Variants in TTC28 observed in about 807,000 individuals in gnomAD.
TTC28 encodes the protein tetratricopeptide repeat domain 28.
In TTC28, 61 loss-of-function variants were observed where a neutral mutation model predicts 198.0. The observed-to-expected ratio is 0.31, with a 90% confidence interval of 0.25 to 0.38. The LOEUF is 0.38. Ranked by LOEUF, TTC28 falls within the 10% of genes least tolerant of loss-of-function variation. TTC28 has a pLI of 1.00. For missense variants in TTC28, 2,678 were observed against 3,164.0 expected, an observed-to-expected ratio of 0.85 and a Z score of 3.69; for synonymous variants, 1,171 against 1,297.8, an observed-to-expected ratio of 0.90 and a Z score of 2.10.
intron 5 of TTC28, among the ~76,000 whole-genome samples, chr22:28,164,904 C>A (rs1010478881): frequency 3.9e-5 from 6 of 152,056 alleles, no homozygotes; most frequent in East Asian, 3.9e-4. Flanking sequence ...AGTTCGAACC[C>A]ATGGCAAAGA....
Position 28,001,410 on chromosome 22 carries a change from A to G in TTC28, c.4362T>C (p.Ala1454=). 6.4e-7 allele frequency: 1 copy of G among 1,551,426 alleles called. No individual in the cohort carries two copies. Among genetic ancestry groups the G allele is most frequent in the Non-Finnish European group, 8.7e-7 (1 of 1,146,902 alleles). ...CGCTGAGGGAGCGGATGGAAGGGAC[A>G]GCAAGGAGGCCGAAGCGCTCGTAGA... ...EYLYERFGLL[A]VPSIRSLSVQ... is the part of the protein sequence containing the mutation. Residue 1454 remains alanine (A), a synonymous_variant, in exon 15 of 23, where the codon GCT becomes GCC. Transcript: ENST00000397906.
intron 5 of TTC28, among the ~76,000 whole-genome samples, chr22:28,257,816 C>A (rs1409232740): frequency 8.2e-6 from 1 of 122,194 alleles, no homozygotes; most frequent in East Asian, 2.5e-4. Flanking sequence ...AAAGAAAAAA[C>A]AGCTTTGTCA....
intron 6 of TTC28, among the ~76,000 whole-genome samples, chr22:28,138,642 A>G (rs770469743): frequency 1.2e-4 from 19 of 152,182 alleles, no homozygotes; most frequent in Non-Finnish European, 2.5e-4. Context: ...TGGCTTTAAT[A>G]GTTTGGAAAA....
chr22:28,228,284 G>A (rs907855711), intron 5 of TTC28, among the ~76,000 whole-genome samples: 1 of 152,184 alleles, frequency 6.6e-6, no homozygotes, highest in Non-Finnish European at 1.5e-5. Flanking sequence ...TTCTGGAGAT[G>A]GATGGTGGTA....
intron 13 of TTC28, among the ~76,000 whole-genome samples, chr22:28,026,349 C>T (rs1233818383): frequency 6.6e-6 from 1 of 152,142 alleles, no homozygotes; most frequent in Non-Finnish European, 1.5e-5. Flanking sequence ...GGTGGGGAAC[C>T]AGTAAGGTGC....
intron 2 of TTC28, among the ~76,000 whole-genome samples, chr22:28,384,082 G>A (rs2046536385): frequency 1.3e-5 from 2 of 152,074 alleles, no homozygotes; most frequent in Non-Finnish European, 2.9e-5. Context: ...TGGTCCCTCT[G>A]CCTAGATTAC....
chr22:28,529,786 C>A (rs1242005480), intron 2 of TTC28, among the ~76,000 whole-genome samples: 1 of 152,182 alleles, frequency 6.6e-6, no homozygotes. Context: ...GACACTCAGG[C>A]AAACAGGGTC....
chr22:28,655,170 C>A (rs530330442), intron 1 of TTC28, among the ~76,000 whole-genome samples: 1 of 152,240 alleles, frequency 6.6e-6, no homozygotes, highest in African/African-American at 2.4e-5. Flanking sequence ...GTGCTCTGTG[C>A]CAGGCATTTA....
At chr22:28,675,154 A>G in intron 1 of TTC28, among the ~76,000 whole-genome samples, 1 of 152,224 alleles carries the variant, frequency 6.6e-6, no homozygotes, top group Non-Finnish European at 1.5e-5. Context: ...CACTCTTTTC[A>G]ATATATAGTG....
In TTC28 at chr22:28,105,638, T is replaced by C. The variant is rs1267755474; in HGVS notation, c.2948A>G (p.Gln983Arg). 1.9e-6 allele frequency: 3 copies of C among 1,551,966 alleles called. No individual in the cohort carries two copies. The highest frequency in any genetic ancestry group is 2.6e-6 in the Non-Finnish European group (3 of 1,147,094). ...TTTCATATCTCTAGCAATGTTCAGC[T>C]GGCGTTCAAGGCAGGAAATGGCTTG... ...YEQAISCLERQLNIARDMKDR... is the reference protein window; with the variant it reads ...YEQAISCLERRLNIARDMKDR... Residue 983 changes from glutamine (Q) to arginine (R), a missense_variant, in exon 8 of 23, where the codon CAG becomes CGG. This residue lies in a region of TTC28 where 727 missense variants were observed against 861.9 expected (regional missense o/e 0.84). Transcript: ENST00000397906.
intron 2 of TTC28, among the ~76,000 whole-genome samples, chr22:28,596,733 G>A (rs2146106666): frequency 6.6e-6 from 1 of 152,250 alleles, no homozygotes; most frequent in African/African-American, 2.4e-5. Flanking sequence ...GACTGTACCA[G>A]GATCTTATGC....
intron 2 of TTC28, among the ~76,000 whole-genome samples, chr22:28,478,065 G>A (rs2048189071): frequency 6.6e-6 from 1 of 152,160 alleles, no homozygotes; most frequent in Non-Finnish European, 1.5e-5. Flanking sequence ...CTCAAGTTTT[G>A]TGGATGTTTG....
At chr22:28,094,965 C>G (rs141743044) in intron 11 of TTC28, among the ~76,000 whole-genome samples, 1 of 152,022 alleles carries the variant, frequency 6.6e-6, no homozygotes, top group Non-Finnish European at 1.5e-5. Flanking sequence ...CAAAAAGGAA[C>G]GGAAAAAGAA....
chr22:28,343,887 C>T (rs1268174312), intron 2 of TTC28, among the ~76,000 whole-genome samples: 1 of 152,062 alleles, frequency 6.6e-6, no homozygotes, highest in East Asian at 1.9e-4. Flanking sequence ...TCCTTGGAAG[C>T]TTAGAGGAAG....
intron 6 of TTC28, among the ~76,000 whole-genome samples, chr22:28,136,499 T>C (rs1943203119): frequency 6.6e-6 from 1 of 152,172 alleles, no homozygotes; most frequent in Non-Finnish European, 1.5e-5. Context: ...AGGTAATATA[T>C]AGTTCATGAA....
chr22:28,382,453 T>C (rs548025581), intron 2 of TTC28, among the ~76,000 whole-genome samples: 3 of 152,284 alleles, frequency 2.0e-5, no homozygotes, highest in East Asian at 1.9e-4. Context: ...CCTTGTAACA[T>C]ATTCAAAGTG....
chr22:28,577,203 AT>A (rs1258348777), intron 2 of TTC28, among the ~76,000 whole-genome samples: 2 of 151,918 alleles, frequency 1.3e-5, no homozygotes, highest in African/African-American at 4.8e-5. Flanking sequence ...AAATTTTTTA[AT>A]TTCTTTCTTA....
chr22:28,405,231 A>C (rs770506105), intron 2 of TTC28, among the ~76,000 whole-genome samples: 4 of 152,220 alleles, frequency 2.6e-5, no homozygotes, highest in Non-Finnish European at 4.4e-5. Context: ...CTATATACCT[A>C]AAAATAATCT....
In TTC28 at chr22:28,546,145, T is replaced by C. The variant is rs533966518; in HGVS notation, c.381+83407A>G. ...TAAGGATAGGTATGTAATAAATCAA[T>C]AGAACAGAAGAGAAAATCCAGAAAT... On this transcript the variant is annotated intron_variant, in intron 2 of 22. Coordinates refer to ENST00000397906, the MANE Select transcript of TTC28 (RefSeq NM_001145418.2). Among the ~76,000 whole-genome samples, 20 of 152,278 alleles carry C rather than the reference T, an allele frequency of 1.3e-4. No homozygotes were observed. In the South Asian group the frequency reaches 3.9e-3, roughly 30 times the overall value.
Sources: allele counts gnomAD v4.1 joint callset (sites outside exome capture counted in the v4.1 genomes callset), GRCh38; gene constraint gnomAD v4.1.1; regional missense constraint gnomAD v4.1.1; transcripts MANE v1.5; gene names NCBI Gene and HGNC (gene_info 2026-07-23, HGNC 2026-07-21).